Variants in NTRK1 observed in about 807,000 individuals in gnomAD.
NTRK1 encodes neurotrophic receptor tyrosine kinase 1.
Under a neutral mutation model 86.8 loss-of-function variants are expected in NTRK1, and 62 were observed. The ratio of observed to expected loss-of-function variants is 0.71; its 90% CI spans 0.58 to 0.88. The LOEUF (loss-of-function observed/expected upper bound fraction) is 0.88. NTRK1 is among the 40% of genes least tolerant of loss of function. The pLI is 0.00. For synonymous variants in NTRK1, 469 were observed against 456.6 expected (o/e 1.03, Z -0.35); for missense variants, 967 against 1,078.4 (o/e 0.90, Z 1.45).
intron 2 of NTRK1, chr1:156,851,823 C>T (rs1335247916): frequency 1.3e-6 from 2 of 1,588,478 alleles, no homozygotes; most frequent in Non-Finnish European, 1.7e-6. Context: ...GAGCCTTGGA[C>T]CAGTTTGGGC....
rs1653989229 is a variant in NTRK1, at chr1:156,816,781, C to T, written c.-64+943C>T. On this transcript the variant is annotated intron_variant, in intron 1 of 16. Coordinates refer to the NTRK1 transcript ENST00000392302. ...CCGGAAAGGTGTGCACACTCAGCAACTCATCATCTCTCCTCTCACCCTGGC... is the reference window on the plus strand; with the variant it reads ...CCGGAAAGGTGTGCACACTCAGCAATTCATCATCTCTCCTCTCACCCTGGC... 9 of 1,368,444 alleles carry T rather than the reference C, an allele frequency of 6.6e-6. No individual in the cohort carries two copies. In the South Asian group the frequency reaches 1.2e-4, roughly 19 times the overall value. The allele number at this position is 1,368,444 out of a possible 1,614,324, so 84.8% of individuals were successfully genotyped here.
intron 1 of NTRK1, among the ~76,000 whole-genome samples, chr1:156,832,641 T>C (rs187503037): frequency 4.1e-4 from 62 of 152,164 alleles, no homozygotes; most frequent in African/African-American, 1.5e-3. Flanking sequence ...GGTATGGGTG[T>C]GAAGGGGCAG....
intron 1 of NTRK1, chr1:156,841,824 T>C (rs1371881942): frequency 6.2e-7 from 1 of 1,613,596 alleles, no homozygotes; most frequent in Admixed American, 1.7e-5. Context: ...GTGGAGGAGG[T>C]GTGGGGCATA....
At chr1:156,837,104 A>C (rs1282288127) in intron 1 of NTRK1, 1 of 152,262 alleles carries the variant, frequency 6.6e-6, no homozygotes, top group Admixed American at 6.5e-5. Flanking sequence ...TCAGCCAGGC[A>C]TCAGCTGCAG....
intron 2 of NTRK1, chr1:156,845,492 AG>A: frequency 2.7e-6 from 4 of 1,506,066 alleles, no homozygotes; most frequent in Non-Finnish European, 1.8e-6. Context: ...CGCCTCCAAA[AG>A]CACCCACAAC....
chr1:156,855,363 C>G (rs992561603), intron 2 of NTRK1, among the ~76,000 whole-genome samples: 1 of 152,136 alleles, frequency 6.6e-6, no homozygotes, highest in African/African-American at 2.4e-5. Flanking sequence ...GCCGCCATAC[C>G]CAGCTAATTT....
At chr1:156,863,095 A>G (rs1042686305) in intron 1 of NTRK1, among the ~76,000 whole-genome samples, 8 of 151,940 alleles carry the variant, frequency 5.3e-5, no homozygotes, top group Non-Finnish European at 1.0e-4. Flanking sequence ...GGGCACACTA[A>G]CATGTCACTA....
intron 2 of NTRK1, chr1:156,846,739 T>C: frequency 1.2e-6 from 2 of 1,614,070 alleles, no homozygotes; most frequent in Non-Finnish European, 8.5e-7. Flanking sequence ...CCACGTGCTC[T>C]GTGGCGTTCT....
chr1:156,878,157 C>T (rs543378057), intron 14 of NTRK1, among the ~76,000 whole-genome samples: 20 of 152,278 alleles, frequency 1.3e-4, no homozygotes, highest in African/African-American at 4.6e-4. Flanking sequence ...CTAGGAGGGA[C>T]CATCTGTTCC....
intron 4 of NTRK1, among the ~76,000 whole-genome samples, chr1:156,867,585 G>A (rs1225522046): frequency 6.6e-6 from 1 of 152,066 alleles, no homozygotes; most frequent in African/African-American, 2.4e-5. Context: ...CCTCCGCCTC[G>A]GCCTCCCAAA....
chr1:156,853,993 C>T lies in NTRK1; in HGVS notation c.51-10361C>T, dbSNP rs1655323571. ...CACGCACAGCCCCACGCAGCACGGCCCCAAGTGCAGGCAGTGCCACGTCAC... is the reference window on the plus strand; with the variant it reads ...CACGCACAGCCCCACGCAGCACGGCTCCAAGTGCAGGCAGTGCCACGTCAC... On this transcript the variant is annotated intron_variant, in intron 2 of 16. Transcript: ENST00000392302. The T allele has an allele frequency of 8.1e-6, 13 of 1,613,690 alleles. No individual in the cohort carries two copies. The East Asian group carries it at 2.9e-4, about 36-fold the overall frequency.
intron 12 of NTRK1, 156 bp from the exon 13 acceptor site, chr1:156,875,924 G>T: frequency 8.1e-7 from 1 of 1,234,998 alleles, no homozygotes; most frequent in Admixed American, 1.8e-5. Flanking sequence ...ACTATGACAT[G>T]GGGCTTGCTG....
At chr1:156,846,288 C>G (rs1409533291) in intron 2 of NTRK1, among the ~76,000 whole-genome samples, 1 of 152,108 alleles carries the variant, frequency 6.6e-6, no homozygotes, top group East Asian at 1.9e-4. Flanking sequence ...CTCCCCTTCT[C>G]TGCCATAGGC....
chr1:156,858,511 T>C (rs1571678384), upstream of NTRK1: 2 of 1,591,564 alleles, frequency 1.3e-6, no homozygotes, highest in Middle Eastern at 1.7e-4. Context: ...GAGGTAGGGG[T>C]CTGGGAGCCA....
At chr1:156,845,884 G>T (rs1489624401) in intron 2 of NTRK1, 4 of 1,598,208 alleles carry the variant, frequency 2.5e-6, no homozygotes, top group Non-Finnish European at 3.4e-6. Context: ...CCACCTGCCG[G>T]GGCCCTGCGC....
intron 5 of NTRK1, 121 bp from the exon 6 acceptor site, chr1:156,868,384 G>A (rs1262897406): frequency 2.2e-5 from 33 of 1,534,370 alleles, no homozygotes; most frequent in Non-Finnish European, 2.6e-5. Flanking sequence ...ACTGCCTGGG[G>A]TGACATCGCC....
chr1:156,854,180 C>T lies in NTRK1; in HGVS notation c.51-10174C>T, dbSNP rs2102870240. 4 of 1,614,128 alleles carry T rather than the reference C, an allele frequency of 2.5e-6. No individual in the cohort carries two copies. The East Asian group carries it at 8.9e-5, about 36-fold the overall frequency. On this transcript the variant is annotated intron_variant, in intron 2 of 16. Coordinates refer to the NTRK1 transcript ENST00000392302. The surrounding 1 kb of genome is among the most constrained non-coding windows in gnomAD (Gnocchi z 4.2). ...CTGGGTGAGGCGAGGGAAGCTGAGG[C>T]CGCGGAAGTCCTCCCCGGTGGCTGT...
chr1:156,853,592 C>G (rs1558091240), intron 2 of NTRK1, among the ~76,000 whole-genome samples: 1 of 152,204 alleles, frequency 6.6e-6, no homozygotes, highest in Non-Finnish European at 1.5e-5. Flanking sequence ...GGTTACGTAA[C>G]TTTTCTGAGC....
intron 1 of NTRK1, among the ~76,000 whole-genome samples, chr1:156,862,804 T>C (rs567439868): frequency 6.6e-6 from 1 of 152,192 alleles, no homozygotes; most frequent in South Asian, 2.1e-4. Context: ...TGAAACCCTC[T>C]GGGCAGGGGC....
Sources: allele counts gnomAD v4.1 joint callset (sites outside exome capture counted in the v4.1 genomes callset), GRCh38; gene constraint gnomAD v4.1.1; non-coding constraint Gnocchi (gnomAD v3.1); transcripts MANE v1.5; gene names NCBI Gene and HGNC (gene_info 2026-07-23, HGNC 2026-07-21).